Variants in PREX2 observed in about 807,000 individuals in gnomAD.
PREX2 encodes the protein phosphatidylinositol-3,4,5-trisphosphate dependent Rac exchange factor 2, also known as phosphatidylinositol 3,4,5-trisphosphate-dependent Rac exchanger 2 protein.
PREX2 carries 107 observed loss-of-function variants against 203.2 expected under a neutral mutation model. That is an observed-to-expected ratio of 0.53 (90% CI 0.45 to 0.62). The LOEUF (loss-of-function observed/expected upper bound fraction) is 0.62, where lower values mean the gene tolerates loss of function less well. Among genes scored for constraint, PREX2 ranks in the 20% least tolerant of loss-of-function variants. PREX2 has a pLI of 0.00. For synonymous variants in PREX2, 672 were observed against 663.6 expected (o/e 1.01, Z -0.19); for missense variants, 1,777 against 1,955.9 (o/e 0.91, Z 1.72).
intron 33 of PREX2, among the ~76,000 whole-genome samples, chr8:68,145,860 T>A (rs371232209): frequency 6.6e-6 from 1 of 152,086 alleles, no homozygotes; most frequent in African/African-American, 2.4e-5. Context: ...AAGGACTCAT[T>A]CTGACTAAAA....
chr8:68,055,347 A>G (rs1265133612), intron 9 of PREX2, among the ~76,000 whole-genome samples: 1 of 152,226 alleles, frequency 6.6e-6, no homozygotes, highest in African/African-American at 2.4e-5. Context: ...TGCTTTCTCT[A>G]GAAATCTCCA....
At chr8:68,073,765 AT>A (rs1300060903) in intron 14 of PREX2, among the ~76,000 whole-genome samples, 2 of 152,190 alleles carry the variant, frequency 1.3e-5, no homozygotes, top group Non-Finnish European at 2.9e-5. Flanking sequence ...CATAGAAATT[AT>A]ACAGTTCTAG....
chr8:68,068,148 A>G (rs1351229683), intron 11 of PREX2, among the ~76,000 whole-genome samples: 1 of 152,070 alleles, frequency 6.6e-6, no homozygotes, highest in Non-Finnish European at 1.5e-5. Flanking sequence ...ATCCATGTTC[A>G]TCAGTGATAT....
chr8:68,062,217 C>T (rs1808878619), intron 11 of PREX2, among the ~76,000 whole-genome samples: 1 of 151,996 alleles, frequency 6.6e-6, no homozygotes, highest in African/African-American at 2.4e-5. Flanking sequence ...GCATCCTTAC[C>T]TTTTTTCTAG....
chr8:68,165,647 G>A (rs1267979292), intron 35 of PREX2, among the ~76,000 whole-genome samples: 1 of 152,064 alleles, frequency 6.6e-6, no homozygotes, highest in African/African-American at 2.4e-5. Context: ...CTCCTGAATG[G>A]AGGCAATTGT....
In PREX2 at chr8:68,134,203, G is replaced by A. The variant is rs1811065035; in HGVS notation, c.3911G>A (p.Ser1304Asn). The stretch of plus-strand genomic sequence containing the variant: ...AATGAGATGGAAACTTGGGAAGCCA[G>A]CAGGAGGTGGCTGGACCAGATAGCG... ...KENEMETWEA[S>N]RRWLDQIANA... The change falls in exon 32 of 40, where the codon AGC (serine) becomes AAC (asparagine). Residue 1304 changes from serine to asparagine, a missense_variant. Physicochemically the swap from Ser to Asn is conservative, Grantham distance 46 (BLOSUM62 1). Transcript: ENST00000288368. The A allele has an allele frequency of 6.2e-7, 1 of 1,614,126 alleles. No individual in the cohort carries two copies. The highest frequency in any genetic ancestry group is 8.5e-7 in the Non-Finnish European group (1 of 1,179,982).
chr8:68,001,284 G>A (rs1806931349), intron 1 of PREX2, among the ~76,000 whole-genome samples: 1 of 141,136 alleles, frequency 7.1e-6, no homozygotes, highest in Admixed American at 7.4e-5. Flanking sequence ...CAAAGGACAT[G>A]AAAATACACT....
Position 68,109,619 on chromosome 8 carries a change from G to T in PREX2, c.3142G>T (p.Asp1048Tyr). Residue 1048 changes from aspartate to tyrosine, a missense_variant, in exon 25 of 40, where the codon GAT (aspartate) becomes TAT (tyrosine). Coordinates refer to ENST00000288368, the MANE Select transcript of PREX2 (RefSeq NM_024870.4). ...GGTGGAGATGTGTGTTTGTCAAATA[G>T]ATGAGTAAGTGTTTTGTACTACACT... is the stretch of plus-strand genomic sequence containing the variant. ...KEVEMCVCQIDDLLSSITYSP... is the reference protein window; with the variant it reads ...KEVEMCVCQIYDLLSSITYSP... 1.2e-6 allele frequency: 2 copies of T among 1,613,344 alleles called. No individual in the cohort carries two copies. Among genetic ancestry groups the T allele is most frequent in the Non-Finnish European group, 1.7e-6 (2 of 1,179,370 alleles).
rs552029490 is a variant in PREX2, at chr8:68,167,795, A to G, written c.4346+10359A>G. ...ATTTTTCTTTTAGTATTGGACTGGA[A>G]TAAAAGCTGAGCACTAGAATTTTAG... is the stretch of plus-strand genomic sequence containing the variant. On this transcript the variant is annotated intron_variant, in intron 35 of 39. Coordinates refer to ENST00000288368, the MANE Select transcript of PREX2 (RefSeq NM_024870.4). 1.8e-4 allele frequency among the ~76,000 whole-genome samples: 28 copies of G among 152,322 alleles called. No individual in the cohort carries two copies. The East Asian group carries it at 5.2e-3, about 28-fold the overall frequency.
At chr8:68,195,789 T>C (rs897081888) in intron 37 of PREX2, among the ~76,000 whole-genome samples, 1 of 152,252 alleles carries the variant, frequency 6.6e-6, no homozygotes, top group Non-Finnish European at 1.5e-5. Flanking sequence ...ATGTGGTATC[T>C]ACATTAGATA....
intron 21 of PREX2, among the ~76,000 whole-genome samples, chr8:68,095,504 C>CATAA (rs747016510): frequency 3.0e-5 from 2 of 66,316 alleles, no homozygotes; most frequent in Non-Finnish European, 5.6e-5. Context: ...GGGCCAAATA[C>CATAA]ATACATACAT....
chr8:68,134,531 T>A (rs902215649), intron 32 of PREX2, among the ~76,000 whole-genome samples: 3 of 152,160 alleles, frequency 2.0e-5, no homozygotes, highest in Non-Finnish European at 4.4e-5. Flanking sequence ...CTGTTACTAA[T>A]TCTTGTATCC....
chr8:68,113,926 A>G (rs1485763458), intron 25 of PREX2, among the ~76,000 whole-genome samples: 1 of 152,064 alleles, frequency 6.6e-6, no homozygotes, highest in Non-Finnish European at 1.5e-5. Context: ...CAGTGGTGTG[A>G]TCTATGCTCA....
chr8:68,190,571 C>T (rs918808287), intron 35 of PREX2, among the ~76,000 whole-genome samples: 16 of 152,106 alleles, frequency 1.1e-4, no homozygotes, highest in Middle Eastern at 6.8e-3. Context: ...ACACTTTTCA[C>T]AACCCCCTTC....
chr8:68,013,225 T>G (rs1445023644), intron 1 of PREX2, among the ~76,000 whole-genome samples: 4 of 152,186 alleles, frequency 2.6e-5, no homozygotes, highest in Non-Finnish European at 5.9e-5. Flanking sequence ...ATAGATAAAA[T>G]GATTCTGTCC....
intron 37 of PREX2, among the ~76,000 whole-genome samples, chr8:68,199,962 G>C (rs1191839202): frequency 6.6e-6 from 1 of 152,126 alleles, no homozygotes; most frequent in Non-Finnish European, 1.5e-5. Flanking sequence ...AAAAGGAATA[G>C]GTTTACTCTG....
rs150518974 is a variant in PREX2 at position 68,072,508 on chromosome 8, C to T, written c.1507C>T (p.His503Tyr). 5 of 1,579,454 alleles carry T rather than the reference C, an allele frequency of 3.2e-6. No individual in the cohort carries two copies. In the African/African-American group the frequency reaches 4.1e-5, roughly 13 times the overall value. ...TTTCCTTTATAGAGATAAAGATTAC[C>T]ATTTAAGGACCTACAAATCTGTGGT... is the stretch of plus-strand genomic sequence containing the variant. ...FTPVIRDKDY[H>Y]LRTYKSVVMA... is the part of the protein sequence containing the mutation. The change falls in exon 14 of 40, where the codon CAT becomes TAT. Residue 503 changes from histidine to tyrosine, a missense_variant. Transcript: ENST00000288368.
At chr8:68,099,644 T>TTGTG (rs1290264667) in intron 22 of PREX2, 38 bp from the exon 23 acceptor site, 11 of 1,585,150 alleles carry the variant, frequency 6.9e-6, no homozygotes, top group Non-Finnish European at 9.5e-6. Flanking sequence ...GTATGTGTGT[T>TTGTG]TGTGTGTGTG....
intron 14 of PREX2, among the ~76,000 whole-genome samples, chr8:68,074,541 T>G (rs899931094): frequency 2.0e-5 from 3 of 152,220 alleles, no homozygotes; most frequent in Non-Finnish European, 2.9e-5. Context: ...AATGTAAGTA[T>G]CAACATAATC....
Sources: allele counts gnomAD v4.1 joint callset (sites outside exome capture counted in the v4.1 genomes callset), GRCh38; gene constraint gnomAD v4.1.1; transcripts MANE v1.5; gene names NCBI Gene and HGNC (gene_info 2026-07-23, HGNC 2026-07-21).